Variants in TMPRSS15 observed in about 807,000 individuals in gnomAD.
The protein encoded by TMPRSS15 is enteropeptidase.
A neutral mutation model predicts 125.3 loss-of-function variants in TMPRSS15; 128 were observed. The ratio of observed to expected loss-of-function variants is 1.02; its 90% confidence interval spans 0.89 to 1.18. TMPRSS15 has a LOEUF of 1.18. Among genes scored for constraint, TMPRSS15 ranks in the 50% most tolerant of loss-of-function variants. The pLI, the probability that TMPRSS15 is intolerant of heterozygous loss-of-function variation, is 0.00. For synonymous variants in TMPRSS15, 446 were observed against 423.2 expected (o/e 1.05, Z -0.66); for missense variants, 1,283 against 1,212.7 (o/e 1.06, Z -0.86).
intron 10 of TMPRSS15, among the ~76,000 whole-genome samples, chr21:18,346,211 GT>G (rs765663459): frequency 6.6e-5 from 10 of 152,064 alleles, no homozygotes; most frequent in Non-Finnish European, 1.3e-4. Flanking sequence ...GAGATTTGCA[GT>G]TTACATAAAA....
chr21:18,343,626 T>C lies in TMPRSS15; in HGVS notation c.1308A>G (p.Lys436=), dbSNP rs1280616686. The change falls in exon 12 of 25, where the codon AAA becomes AAG. Residue 436 remains lysine (K), a synonymous_variant. Transcript: ENST00000284885. ...WYHMYGENVH[K]LSINISNDQN... ...GGTCATTGCTGATATTAATGCTTAATTTATGGACATTTTCACCATACATAT... is the reference window on the plus strand; with the variant it reads ...GGTCATTGCTGATATTAATGCTTAACTTATGGACATTTTCACCATACATAT... The C allele has an allele frequency of 3.1e-6, 5 of 1,613,696 alleles. No homozygotes were observed. Among genetic ancestry groups the C allele is most frequent in the Non-Finnish European group, 4.2e-6 (5 of 1,179,762 alleles).
chr21:18,485,049 T>C (rs1022462394), intron 1 of TMPRSS15, among the ~76,000 whole-genome samples: 13 of 152,066 alleles, frequency 8.5e-5, no homozygotes, highest in African/African-American at 2.6e-4. Context: ...TTGTTATTTG[T>C]GTTTTAATGT....
intron 13 of TMPRSS15, among the ~76,000 whole-genome samples, chr21:18,338,771 A>G (rs1319804633): frequency 6.6e-6 from 1 of 152,044 alleles, no homozygotes; most frequent in African/African-American, 2.4e-5. Flanking sequence ...TGTCTCTAAT[A>G]GTATTTACTG....
At chr21:18,276,509 A>G (rs2074622204) in intron 23 of TMPRSS15, among the ~76,000 whole-genome samples, 1 of 152,186 alleles carries the variant, frequency 6.6e-6, no homozygotes, top group Admixed American at 6.5e-5. Flanking sequence ...AGGATCAAGG[A>G]TGGCTTGGCA....
intron 6 of TMPRSS15, among the ~76,000 whole-genome samples, chr21:18,368,400 T>G (rs911372151): frequency 3.2e-4 from 49 of 152,196 alleles, no homozygotes; most frequent in Non-Finnish European, 1.9e-4. Flanking sequence ...TGTGACTGAG[T>G]TGGCCGATGA....
chr21:18,354,512 A>G (rs2075605025), intron 8 of TMPRSS15, among the ~76,000 whole-genome samples: 1 of 151,724 alleles, frequency 6.6e-6, no homozygotes, highest in Admixed American at 6.6e-5. Context: ...ATTGTTACAT[A>G]AAATTTGCTT....
chr21:18,298,528 T>C lies in TMPRSS15; in HGVS notation c.2166-699A>G, dbSNP rs77421789. Among the ~76,000 whole-genome samples the C allele has an allele frequency of 2.4e-4, 37 of 152,354 alleles. No homozygotes were observed. The East Asian group carries it at 5.4e-3, about 22-fold the overall frequency. The stretch of plus-strand genomic sequence containing the variant: ...AGGCTTTCTTTTCCCTGAAAACCTA[T>C]AATTCCCATGCTCTCAACTGTGAGC... On this transcript the variant is annotated intron_variant, in intron 18 of 24. Coordinates refer to ENST00000284885, the MANE Select transcript of TMPRSS15 (RefSeq NM_002772.3).
At chr21:18,309,753 G>A (rs145232424) in intron 18 of TMPRSS15, among the ~76,000 whole-genome samples, 3 of 152,080 alleles carry the variant, frequency 2.0e-5, no homozygotes, top group Non-Finnish European at 2.9e-5. Flanking sequence ...CAGTTAGAAC[G>A]GTGATCATCA....
chr21:18,420,952 A>G (rs552507096), intron 1 of TMPRSS15, among the ~76,000 whole-genome samples: 1 of 152,320 alleles, frequency 6.6e-6, no homozygotes, highest in Admixed American at 6.5e-5. Context: ...GAAATGTTGA[A>G]TCACTCTAGA....
chr21:18,365,743 C>CTTT (rs36165986), intron 6 of TMPRSS15, among the ~76,000 whole-genome samples: 1,251 of 83,852 alleles, frequency 0.015, 98 homozygotes, highest in African/African-American at 0.056. Context: ...CTCTTTTTTC[C>CTTT]TTTTTTTTTT....
intron 19 of TMPRSS15, among the ~76,000 whole-genome samples, chr21:18,296,173 G>A (rs185816765): frequency 6.6e-6 from 1 of 152,112 alleles, no homozygotes; most frequent in Non-Finnish European, 1.5e-5. Context: ...AAAAAATAAA[G>A]AATCAGCATA....
At chr21:18,410,415 G>T (rs1158101800) in intron 1 of TMPRSS15, among the ~76,000 whole-genome samples, 1 of 152,044 alleles carries the variant, frequency 6.6e-6, no homozygotes, top group Non-Finnish European at 1.5e-5. Flanking sequence ...CTGGGATCCT[G>T]TAGCAGTCAC....
chr21:18,330,656 T>A (rs1220110382), intron 14 of TMPRSS15, among the ~76,000 whole-genome samples: 1 of 152,206 alleles, frequency 6.6e-6, no homozygotes, highest in Non-Finnish European at 1.5e-5. Context: ...GGAAATAAAG[T>A]ATTGAATACA....
At chr21:18,372,139 T>G (rs1199257259) in intron 6 of TMPRSS15, 54 bp downstream of exon 6, 1 of 1,531,126 alleles carries the variant, frequency 6.5e-7, no homozygotes, top group Non-Finnish European at 9.0e-7. Flanking sequence ...TGTGTGTGTG[T>G]CTACAGTGAG....
intron 10 of TMPRSS15, among the ~76,000 whole-genome samples, chr21:18,346,948 C>A (rs535098605): frequency 2.6e-5 from 4 of 152,300 alleles, no homozygotes; most frequent in African/African-American, 9.6e-5. Context: ...CCGGCTATTG[C>A]ACCTATACTT....
chr21:18,389,393 C>G (rs2075972840), intron 3 of TMPRSS15, among the ~76,000 whole-genome samples: 1 of 151,950 alleles, frequency 6.6e-6, no homozygotes, highest in Non-Finnish European at 1.5e-5. Context: ...CAGGGGAAAC[C>G]ATCTCTACAC....
intron 16 of TMPRSS15, among the ~76,000 whole-genome samples, chr21:18,317,771 TCCC>T: frequency 1.1e-5 from 1 of 94,384 alleles, no homozygotes; most frequent in Non-Finnish European, 2.2e-5. Context: ...TCCCATCCCA[TCCC>T]ATCCCATCCC....
intron 5 of TMPRSS15, among the ~76,000 whole-genome samples, chr21:18,373,392 G>A (rs1303488166): frequency 6.6e-6 from 1 of 151,976 alleles, no homozygotes; most frequent in African/African-American, 2.4e-5. Context: ...ATAGGACAGA[G>A]TAAAGATCAA....
intron 1 of TMPRSS15, among the ~76,000 whole-genome samples, chr21:18,443,262 A>G (rs1239841938): frequency 6.6e-6 from 1 of 152,106 alleles, no homozygotes; most frequent in East Asian, 1.9e-4. Flanking sequence ...GTGAACACTG[A>G]CTCTGCAGGC....
Sources: gnomAD v4.1 joint callset for allele counts (sites outside exome capture counted in the v4.1 genomes callset) on GRCh38, gnomAD v4.1.1 for gene constraint, MANE v1.5 for transcripts, NCBI Gene and HGNC (gene_info 2026-07-23, HGNC 2026-07-21) for gene names.